The following EREG variants were observed in gnomAD, a reference collection of about 807,000 sequenced individuals.
The protein encoded by EREG is proepiregulin.
A neutral mutation model predicts 22.4 loss-of-function variants in EREG; 23 were observed. The observed-to-expected ratio is 1.03, with a 90% CI of 0.74 to 1.46. The LOEUF (loss-of-function observed/expected upper bound fraction) is 1.46, where lower values mean the gene tolerates loss of function less well. EREG is among the 40% of genes most tolerant of loss of function. The pLI, the probability that EREG is intolerant of heterozygous loss-of-function variation, is 0.00. For missense variants in EREG, 226 were observed against 205.9 expected (o/e 1.10, Z -0.60); for synonymous variants, 100 against 75.4 (o/e 1.33, Z -1.69).
At chr4:74,375,124 T>A (rs1752357199) in intron 1 of EREG, among the ~76,000 whole-genome samples, 2 of 152,086 alleles carry the variant, frequency 1.3e-5, no homozygotes, top group Admixed American at 1.3e-4. Context: ...AGTGAATTAT[T>A]TGCTTAGGAA....
chr4:74,382,556 A>G, intron 3 of EREG, 89 bp from the exon 4 acceptor site: 1 of 1,009,464 alleles, frequency 9.9e-7, no homozygotes, highest in South Asian at 1.8e-5. Flanking sequence ...CTTGCATTAC[A>G]GTGTGATGTT....
intron 1 of EREG, among the ~76,000 whole-genome samples, chr4:74,368,374 C>T (rs2110382817): frequency 6.6e-6 from 1 of 152,198 alleles, no homozygotes; most frequent in South Asian, 2.1e-4. Flanking sequence ...GACTGGGGCC[C>T]TTATTTTTAT....
intron 1 of EREG, among the ~76,000 whole-genome samples, chr4:74,371,634 C>A (rs1214969412): frequency 6.6e-6 from 1 of 152,158 alleles, no homozygotes; most frequent in African/African-American, 2.4e-5. Context: ...CCTTTAAAGG[C>A]AGTATCTCCT....
At position 74,384,678 on chromosome 4, in the gene EREG, C is replaced by G. The variant is rs779829637; in HGVS notation, c.429-49C>G. On this transcript the variant is annotated intron_variant, in intron 4 of 4. Coordinates refer to ENST00000244869, the MANE Select transcript of EREG (RefSeq NM_001432.3). ...GAGTCCATATATAACACACTTGTTC[C>G]TTTGCTATTAACTGCAGTGCTAACA... is the stretch of plus-strand genomic sequence containing the variant. 3 of 1,075,268 alleles carry G rather than the reference C, an allele frequency of 2.8e-6. No individual in the cohort carries two copies. The African/African-American group carries it at 4.7e-5, about 17-fold the overall frequency. 66.6% of individuals were successfully genotyped at this position (1,075,268 alleles called of 1,614,324 possible).
At chr4:74,370,152 G>T (rs115752487) in intron 1 of EREG, among the ~76,000 whole-genome samples, 2 of 152,118 alleles carry the variant, frequency 1.3e-5, no homozygotes. Context: ...TGAAAAAGGA[G>T]CCACTTCCTT....
chr4:74,365,882 C>T (rs1752171819), intron 1 of EREG, among the ~76,000 whole-genome samples: 1 of 152,116 alleles, frequency 6.6e-6, no homozygotes, highest in South Asian at 2.1e-4. Flanking sequence ...CTGGTATGCG[C>T]CAGTGCCAGT....
intron 2 of EREG, 24 bp downstream of exon 2, chr4:74,379,558 G>C (rs768220381): frequency 4.5e-6 from 6 of 1,322,386 alleles, no homozygotes; most frequent in African/African-American, 1.4e-5. Flanking sequence ...TGTCAATGTG[G>C]CATCAAGAGA....
chr4:74,377,842 T>C (rs4694681), intron 1 of EREG, among the ~76,000 whole-genome samples: 125,662 of 151,554 alleles, frequency 0.83, 52,293 homozygotes, highest in African/African-American at 0.87. Context: ...TGCAGGAAAC[T>C]ACCCGCATTG....
chr4:74,375,949 C>A (rs1004856270), intron 1 of EREG, among the ~76,000 whole-genome samples: 12 of 152,184 alleles, frequency 7.9e-5, no homozygotes, highest in Non-Finnish European at 1.5e-4. Flanking sequence ...ATTAATGCAG[C>A]AAGTCTCACA....
intron 1 of EREG, among the ~76,000 whole-genome samples, chr4:74,375,107 G>T (rs1752356662): frequency 6.6e-6 from 1 of 152,000 alleles, no homozygotes; most frequent in African/African-American, 2.4e-5. Context: ...AAAATATTTA[G>T]TATCGTAGTG....
intron 1 of EREG, among the ~76,000 whole-genome samples, chr4:74,378,423 T>C (rs1299544218): frequency 6.6e-6 from 1 of 152,192 alleles, no homozygotes; most frequent in Non-Finnish European, 1.5e-5. Context: ...CACATGTCAT[T>C]ATCCCCCACG....
chr4:74,370,765 T>C (rs1752276458), intron 1 of EREG, among the ~76,000 whole-genome samples: 1 of 152,178 alleles, frequency 6.6e-6, no homozygotes, highest in East Asian at 1.9e-4. Context: ...TTTTAGAAAT[T>C]AAAGAAACCT....
rs781480339 is a variant in EREG, at chr4:74,385,187, TAGTA to T, written c.*384_*387del. The T allele has an allele frequency of 9.3e-5, 15 of 160,882 alleles. No individual in the cohort carries two copies. The highest frequency in any genetic ancestry group is 1.8e-4 in the Non-Finnish European group (13 of 73,908). 10.0% of individuals were successfully genotyped at this position (160,882 alleles called of 1,614,324 possible). ...GCCTATATATATAGTCAAATCGATT[TAGTA>T]AGTATGTTTTTTATGTTCCTCAAAT... On this transcript the variant is annotated 3_prime_UTR_variant, in exon 5 of 5. Coordinates refer to ENST00000244869, the MANE Select transcript of EREG (RefSeq NM_001432.3).
intron 1 of EREG, among the ~76,000 whole-genome samples, chr4:74,377,709 C>T (rs1162955384): frequency 7.2e-5 from 11 of 152,172 alleles, no homozygotes; most frequent in Admixed American, 5.9e-4. Context: ...TGGCCGAAGG[C>T]GAAGGGGAAG....
intron 3 of EREG, among the ~76,000 whole-genome samples, chr4:74,382,183 T>G: frequency 6.6e-6 from 1 of 151,554 alleles, no homozygotes; most frequent in East Asian, 1.9e-4. Context: ...CGCAAGACTG[T>G]AGTCTACTCA....
intron 1 of EREG, among the ~76,000 whole-genome samples, chr4:74,372,543 G>T (rs1460015): frequency 0.076 from 11,499 of 152,166 alleles, 765 homozygotes; most frequent in African/African-American, 0.18. Context: ...TTCAGGAGAT[G>T]TTTCTTTTGG....
chr4:74,365,718 C>G (rs545584004), intron 1 of EREG, among the ~76,000 whole-genome samples: 3 of 136,368 alleles, frequency 2.2e-5, no homozygotes, highest in Non-Finnish European at 4.6e-5. Context: ...AGGCCTGGAA[C>G]GCACTGTTAA....
At chr4:74,366,149 A>T (rs6446993) in intron 1 of EREG, among the ~76,000 whole-genome samples, 106,620 of 151,900 alleles carry the variant, frequency 0.7, 38,465 homozygotes, top group Non-Finnish European at 0.78. Context: ...AAGGGGAAAA[A>T]TTTTCTAAAT....
At chr4:74,367,087 C>T (rs1018249798) in intron 1 of EREG, among the ~76,000 whole-genome samples, 11 of 152,116 alleles carry the variant, frequency 7.2e-5, no homozygotes, top group Non-Finnish European at 1.3e-4. Context: ...CAAAAAAGAG[C>T]GAGACATTTA....
Sources: allele counts gnomAD v4.1 joint callset (sites outside exome capture counted in the v4.1 genomes callset), GRCh38; gene constraint gnomAD v4.1.1; transcripts MANE v1.5; gene names NCBI Gene and HGNC (gene_info 2026-07-23, HGNC 2026-07-21).